ASS1: variants seen among roughly 807,000 people sequenced by gnomAD.
The protein encoded by ASS1 is argininosuccinate synthase 1, also known as argininosuccinate synthase.
A neutral mutation model predicts 60.5 loss-of-function variants in ASS1; 58 were observed. The observed-to-expected ratio is 0.96, with a 90% CI of 0.78 to 1.19. The LOEUF is 1.19. Ranked by LOEUF, ASS1 falls within the 50% of genes most tolerant of loss-of-function variation. ASS1 has a pLI of 0.00. For synonymous variants in ASS1, 200 were observed against 206.9 expected, an observed-to-expected ratio of 0.97 and a Z score of 0.29; for missense variants, 454 against 547.3, an observed-to-expected ratio of 0.83 and a Z score of 1.70.
At chr9:130,497,779 G>A (rs146269182) in intron 13 of ASS1, among the ~76,000 whole-genome samples, 7 of 152,152 alleles carry the variant, frequency 4.6e-5, no homozygotes, top group Non-Finnish European at 8.8e-5. Flanking sequence ...TGTGTCCTAC[G>A]TTCTCCCTGG....
rs1239988527 is a variant in ASS1, at chr9:130,454,894, C to A, written c.174+521C>A. ...ATCCATCCACCCATCCATCCATCAC[C>A]CATCCACTCATCCACCCATCCATTA... On this transcript the variant is annotated intron_variant, in intron 3 of 14. Coordinates refer to ENST00000352480, the MANE Select transcript of ASS1 (RefSeq NM_054012.4). Among the ~76,000 whole-genome samples the A allele has an allele frequency of 2.0e-5, 3 of 150,542 alleles. No homozygotes were observed. In the South Asian group the frequency reaches 6.4e-4, roughly 32 times the overall value.
chr9:130,495,032 C>T lies in ASS1; in HGVS notation c.1127+9C>T. ...AATGAGGAGCTGGTGAGGTAGGTGC[C>T]CCACACCTCATTCTGACCCCCACTT... On this transcript the variant is annotated intron_variant, in intron 13 of 14. Coordinates refer to ENST00000352480, the MANE Select transcript of ASS1 (RefSeq NM_054012.4). 6.2e-7 allele frequency: 1 copy of T among 1,606,614 alleles called. No homozygotes were observed.
In ASS1 at chr9:130,459,809, T is replaced by C. The variant is rs1397016899; in HGVS notation, c.363+1220T>C. Among the ~76,000 whole-genome samples the C allele has an allele frequency of 1.3e-5, 2 of 152,234 alleles. No individual in the cohort carries two copies. The highest frequency in any genetic ancestry group is 4.8e-5 in the African/African-American group (2 of 41,462). ...CTGGGGTTAGGACTTGAACCCATTA[T>C]TTTGTGGAAACACAAATCAACCCAT... On this transcript the variant is annotated intron_variant, in intron 4 of 14. Transcript: ENST00000352480. The surrounding 1 kb of genome is among the most constrained non-coding windows in gnomAD (Gnocchi z 4.6).
chr9:130,495,464 C>CAT (rs1564163484), intron 13 of ASS1, among the ~76,000 whole-genome samples: 1 of 107,798 alleles, frequency 9.3e-6, no homozygotes, highest in Non-Finnish European at 2.0e-5. Context: ...TATATATACA[C>CAT]ATACATATAC....
intron 1 of ASS1, 51 bp downstream of exon 1, chr9:130,445,046 C>G (rs1283244535): frequency 4.6e-6 from 3 of 653,466 alleles, no homozygotes; most frequent in Non-Finnish European, 5.7e-6. Flanking sequence ...CGAGAGCACC[C>G]GCTTCCCGGG....
chr9:130,467,456 G>A (rs1447678291), intron 6 of ASS1, among the ~76,000 whole-genome samples: 1 of 152,134 alleles, frequency 6.6e-6, no homozygotes, highest in Non-Finnish European at 1.5e-5. Context: ...GCAACTCAGC[G>A]CACACACCAG....
chr9:130,471,908 G>C (rs987950035), intron 8 of ASS1, among the ~76,000 whole-genome samples: 1 of 152,052 alleles, frequency 6.6e-6, no homozygotes, highest in Admixed American at 6.5e-5. Context: ...TGTGGGGGGT[G>C]GGGGGAGGCA....
intron 6 of ASS1, among the ~76,000 whole-genome samples, chr9:130,467,210 C>T (rs1352954220): frequency 6.6e-6 from 1 of 152,176 alleles, no homozygotes; most frequent in Non-Finnish European, 1.5e-5. Flanking sequence ...AGCTGTTCTC[C>T]CAATTCCCTG....
intron 1 of ASS1, among the ~76,000 whole-genome samples, chr9:130,445,678 G>A (rs192347431): frequency 6.6e-6 from 1 of 152,340 alleles, no homozygotes; most frequent in Non-Finnish European, 1.5e-5. Flanking sequence ...TCGGGCTGCT[G>A]TTGCCTTTGG....
At chr9:130,484,801 A>G (rs757880447) in intron 11 of ASS1, among the ~76,000 whole-genome samples, 187 of 26,330 alleles carry the variant, frequency 7.1e-3, no homozygotes, top group Non-Finnish European at 0.013. Context: ...CTTTAAACGC[A>G]CACACACACA....
Position 130,470,799 on chromosome 9 carries a change from G to T in ASS1, c.496-35G>T, listed in dbSNP as rs368140396. ...ACGGACCTCACGCGTCCTTCCAGCC[G>T]CCTTACCTCCACCTGTGCTGTCTCT... On this transcript the variant is annotated intron_variant, in intron 6 of 14. Transcript: ENST00000352480. This position sits in a 1 kb window ranked among gnomAD's most constrained non-coding sequence, Gnocchi z 4.3. The T allele has an allele frequency of 8.1e-6, 13 of 1,608,290 alleles. No individual in the cohort carries two copies. The highest frequency in any genetic ancestry group is 1.1e-5 in the Non-Finnish European group (13 of 1,175,006).
intron 6 of ASS1, among the ~76,000 whole-genome samples, chr9:130,468,831 A>T (rs1845803893): frequency 6.6e-6 from 1 of 152,142 alleles, no homozygotes; most frequent in South Asian, 2.1e-4. Context: ...ACAAGGTGGG[A>T]GCTAGAAACA....
chr9:130,451,610 C>G (rs1053818283), intron 1 of ASS1: 1 of 351,210 alleles, frequency 2.8e-6, no homozygotes, highest in African/African-American at 2.1e-5. Context: ...AGGTGGGCGG[C>G]GGCACTGCGT....
At chr9:130,461,750 G>A (rs1845600304) in intron 4 of ASS1, among the ~76,000 whole-genome samples, 1 of 152,178 alleles carries the variant, frequency 6.6e-6, no homozygotes, top group Non-Finnish European at 1.5e-5. Flanking sequence ...CCAAGGCCTT[G>A]GAGGTGCTGG....
intron 8 of ASS1, among the ~76,000 whole-genome samples, chr9:130,475,326 T>C (rs1187201790): frequency 2.0e-5 from 3 of 152,206 alleles, no homozygotes; most frequent in African/African-American, 4.8e-5. Context: ...GACATTTTCC[T>C]GTGTGTTTTC....
chr9:130,470,948 T>C lies in ASS1; in HGVS notation c.566+44T>C. ...CCATCCTTGGTCCTCCCGGGCTCAT[T>C]CCAAAGGACGGCCACGCGCTGCCCC... On this transcript the variant is annotated intron_variant, in intron 7 of 14. Coordinates refer to ENST00000352480, the MANE Select transcript of ASS1 (RefSeq NM_054012.4). The surrounding 1 kb of genome is among the most constrained non-coding windows in gnomAD (Gnocchi z 4.3). The C allele has an allele frequency of 6.2e-7, 1 of 1,603,156 alleles. No individual in the cohort carries two copies. The highest frequency in any genetic ancestry group is 1.1e-5 in the South Asian group (1 of 90,842).
intron 1 of ASS1, among the ~76,000 whole-genome samples, chr9:130,446,134 C>G (rs1015743783): frequency 2.0e-5 from 3 of 152,190 alleles, no homozygotes; most frequent in Admixed American, 2.0e-4. Flanking sequence ...ATTACAGGCT[C>G]GAGCCACCCA....
chr9:130,470,525 A>G lies in ASS1; in HGVS notation c.496-309A>G, dbSNP rs1361165874. On this transcript the variant is annotated intron_variant, in intron 6 of 14. Coordinates refer to ENST00000352480, the MANE Select transcript of ASS1 (RefSeq NM_054012.4). This position sits in a 1 kb window ranked among gnomAD's most constrained non-coding sequence, Gnocchi z 4.3. ...GGGGCTGGTTGGCTGGTGCCGGGAG[A>G]CCTGGCTGGGCATGGCACCTGCGTG... is the stretch of plus-strand genomic sequence containing the variant. Among the ~76,000 whole-genome samples the G allele has an allele frequency of 1.3e-5, 2 of 152,170 alleles. No homozygotes were observed. Among genetic ancestry groups the G allele is most frequent in the East Asian group, 3.9e-4 (2 of 5,162 alleles).
At chr9:130,486,039 T>A (rs1219259970) in intron 11 of ASS1, among the ~76,000 whole-genome samples, 1 of 152,142 alleles carries the variant, frequency 6.6e-6, no homozygotes, top group East Asian at 1.9e-4. Context: ...GAGGCTGTAG[T>A]GCAGTGGTAC....
Sources: allele counts gnomAD v4.1 joint callset (sites outside exome capture counted in the v4.1 genomes callset), GRCh38; gene constraint gnomAD v4.1.1; non-coding constraint Gnocchi (gnomAD v3.1); transcripts MANE v1.5; gene names NCBI Gene and HGNC (gene_info 2026-07-23, HGNC 2026-07-21).